Variants in SHANK2 observed in about 807,000 individuals in gnomAD.
The protein encoded by SHANK2 is SH3 and multiple ankyrin repeat domains 2.
Under a neutral mutation model 133.7 loss-of-function variants are expected in SHANK2, and 43 were observed. The observed-to-expected ratio is 0.32, with a 90% confidence interval of 0.25 to 0.41. SHANK2 has a LOEUF of 0.41. Among genes scored for constraint, SHANK2 ranks in the 10% least tolerant of loss-of-function variants. The probability of loss-of-function intolerance (pLI) is 1.00; values close to 1 mark genes in which losing one functional copy is unlikely to be tolerated. For synonymous variants in SHANK2, 1,017 were observed against 952.8 expected, an observed-to-expected ratio of 1.07 and a Z score of -1.24; for missense variants, 1,994 against 2,235.8, an observed-to-expected ratio of 0.89 and a Z score of 2.18.
chr11:71,196,005 GACCCTGTCTCT>G (rs1953895555), intron 2 of SHANK2, among the ~76,000 whole-genome samples: 1 of 151,966 alleles, frequency 6.6e-6, no homozygotes, highest in South Asian at 2.1e-4. Context: ...AACATAGCGA[GACCCTGTCTCT>G]ACAAAAATAT....
At chr11:70,663,965 G>A (rs1335034446) in intron 15 of SHANK2, among the ~76,000 whole-genome samples, 1 of 152,202 alleles carries the variant, frequency 6.6e-6, no homozygotes, top group African/African-American at 2.4e-5. Context: ...GATCACCATG[G>A]GGTCAGATGA....
At chr11:70,567,134 G>A (rs782593899) in intron 17 of SHANK2, among the ~76,000 whole-genome samples, 3 of 152,200 alleles carry the variant, frequency 2.0e-5, no homozygotes, top group African/African-American at 4.8e-5. Context: ...GGCTATGATT[G>A]ATGGAGAGGT....
intron 8 of SHANK2, among the ~76,000 whole-genome samples, chr11:71,087,478 C>T (rs1187515775): frequency 2.0e-5 from 3 of 152,204 alleles, no homozygotes; most frequent in Non-Finnish European, 4.4e-5. Flanking sequence ...TTTTAGCCTG[C>T]ATCACACCTT....
intron 1 of SHANK2, among the ~76,000 whole-genome samples, chr11:71,245,099 G>A (rs1428954723): frequency 6.6e-6 from 1 of 152,044 alleles, no homozygotes; most frequent in Non-Finnish European, 1.5e-5. Context: ...TCCCACCTCA[G>A]CTTCCTGAGT....
chr11:70,679,457 C>T (rs527959777), intron 15 of SHANK2, among the ~76,000 whole-genome samples: 1 of 152,350 alleles, frequency 6.6e-6, no homozygotes, highest in East Asian at 1.9e-4. Flanking sequence ...CCCTCGGCCC[C>T]CTCTTTTGGG....
intron 15 of SHANK2, among the ~76,000 whole-genome samples, chr11:70,690,189 A>G (rs2134436490): frequency 6.6e-6 from 1 of 152,338 alleles, no homozygotes; most frequent in Middle Eastern, 3.4e-3. Context: ...AGAAGAGGAC[A>G]GATTCCAGTG....
intron 2 of SHANK2, among the ~76,000 whole-genome samples, chr11:71,208,706 G>C (rs1555118405): frequency 6.6e-6 from 1 of 152,120 alleles, no homozygotes; most frequent in Admixed American, 6.5e-5. Context: ...TCCTTGGTGA[G>C]TTACTGAATC....
At chr11:71,211,757 C>A (rs1954288275) in intron 2 of SHANK2, among the ~76,000 whole-genome samples, 2 of 152,030 alleles carry the variant, frequency 1.3e-5, no homozygotes, top group African/African-American at 4.8e-5. Context: ...TATAACTTGG[C>A]CACTTTGAGG....
chr11:71,094,661 A>C lies in SHANK2; in HGVS notation c.620T>G (p.Leu207Arg). The C allele has an allele frequency of 3.2e-6, 5 of 1,551,884 alleles. No homozygotes were observed. Among genetic ancestry groups the C allele is most frequent in the Non-Finnish European group, 3.5e-6 (4 of 1,147,004 alleles). The change falls in exon 7 of 26, where the codon CTG (leucine) becomes CGG (arginine). Residue 207 changes from leucine to arginine, a missense_variant. Leu to Arg is a moderately radical substitution (Grantham distance 102). Coordinates refer to ENST00000601538, the MANE Select transcript of SHANK2 (RefSeq NM_012309.5). ...TTTGATGACCTCCACAGAGTCGTCC[A>C]GCTGAGCGGCTAAGGTCAGGGGGGT... The part of the protein sequence containing the change: ...GETPLTLAAQ[L>R]DDSVEVIKAL...
chr11:70,743,638 C>T (rs1219017442), intron 14 of SHANK2, among the ~76,000 whole-genome samples: 4 of 152,176 alleles, frequency 2.6e-5, no homozygotes, highest in African/African-American at 9.7e-5. Flanking sequence ...AAAAGCTTCT[C>T]TATAGAGCGA....
intron 11 of SHANK2, chr11:70,863,705 G>A (rs1044452173): frequency 3.1e-5 from 13 of 425,046 alleles, no homozygotes; most frequent in Non-Finnish European, 3.8e-5. Context: ...ACCCCGTTTC[G>A]GCCTCTTTAT....
chr11:70,695,834 A>G (rs1401385170), intron 15 of SHANK2, among the ~76,000 whole-genome samples: 42 of 152,194 alleles, frequency 2.8e-4, no homozygotes, highest in Admixed American at 2.6e-3. Context: ...GTTTCTTTCA[A>G]TGAACCACAG....
chr11:70,822,728 C>T (rs112629372), intron 11 of SHANK2, among the ~76,000 whole-genome samples: 4 of 88,474 alleles, frequency 4.5e-5, no homozygotes, highest in Admixed American at 2.6e-4. Flanking sequence ...AGAGGTGGCG[C>T]TGGCAGAGGT....
intron 25 of SHANK2, among the ~76,000 whole-genome samples, chr11:70,483,203 G>A (rs1168483376): frequency 2.0e-5 from 3 of 152,216 alleles, no homozygotes; most frequent in Non-Finnish European, 4.4e-5. Flanking sequence ...GGCTGTGTAT[G>A]TGGACAAGCC....
chr11:70,521,886 G>A (rs1262848014), intron 17 of SHANK2, among the ~76,000 whole-genome samples: 2 of 152,220 alleles, frequency 1.3e-5, no homozygotes, highest in Non-Finnish European at 2.9e-5. Flanking sequence ...GCTGTTACGC[G>A]GCACACACTG....
chr11:71,094,682 G>C lies in SHANK2; in HGVS notation c.599C>G (p.Pro200Arg), dbSNP rs1951576732. The stretch of plus-strand genomic sequence containing the variant: ...GTCCAGCTGAGCGGCTAAGGTCAGG[G>C]GGGTCTCTGAGGAACCCAAACACAC... ...NFHDPETGET[P>R]LTLAAQLDDS... Residue 200 changes from proline (P) to arginine (R), a missense_variant, in exon 7 of 26, where the codon CCC becomes CGC. Pro to Arg is a moderately radical substitution (Grantham distance 103). Around this residue, in one of 5 missense-constraint regions of SHANK2, gnomAD observed 653 missense variants for 563.4 expected, o/e 1.16. Transcript: ENST00000601538. 2 of 1,551,668 alleles carry C rather than the reference G, an allele frequency of 1.3e-6. No individual in the cohort carries two copies. The highest frequency in any genetic ancestry group is 1.4e-5 in the African/African-American group (1 of 73,150).
chr11:70,698,351 G>A (rs914300861), intron 15 of SHANK2: 12 of 357,932 alleles, frequency 3.4e-5, no homozygotes, highest in Admixed American at 1.7e-4. Flanking sequence ...CTCCCCCGGG[G>A]GATGCTGCTG....
At chr11:70,763,783 G>A (rs1434854507) in intron 14 of SHANK2, among the ~76,000 whole-genome samples, 4 of 152,120 alleles carry the variant, frequency 2.6e-5, no homozygotes, top group Non-Finnish European at 2.9e-5. Context: ...CCAGGGAGAC[G>A]GAGAGGCCCA....
intron 17 of SHANK2, among the ~76,000 whole-genome samples, chr11:70,640,849 C>T (rs138260390): frequency 5.9e-5 from 9 of 152,280 alleles, no homozygotes; most frequent in East Asian, 1.9e-4. Flanking sequence ...TAGGAAGAAT[C>T]GAGGCGACTG....
Sources: allele counts gnomAD v4.1 joint callset (sites outside exome capture counted in the v4.1 genomes callset), GRCh38; gene constraint gnomAD v4.1.1; regional missense constraint gnomAD v4.1.1; transcripts MANE v1.5; gene names NCBI Gene and HGNC (gene_info 2026-07-23, HGNC 2026-07-21).